Variants in DGKB observed in about 807,000 individuals in gnomAD.
The protein encoded by DGKB is 90 kDa diacylglycerol kinase.
DGKB carries 67 observed loss-of-function variants against 114.3 expected under a neutral mutation model. The ratio of observed to expected loss-of-function variants is 0.59; its 90% CI spans 0.48 to 0.72. The LOEUF is 0.72. Ranked by LOEUF, DGKB falls within the 30% of genes least tolerant of loss-of-function variation. DGKB has a pLI of 0.00. For missense variants in DGKB, 907 were observed against 975.2 expected, an observed-to-expected ratio of 0.93 and a Z score of 0.93; for synonymous variants, 398 against 323.1, an observed-to-expected ratio of 1.23 and a Z score of -2.49.
chr7:14,490,344 T>C (rs572833014), intron 20 of DGKB, among the ~76,000 whole-genome samples: 1 of 152,316 alleles, frequency 6.6e-6, no homozygotes, highest in East Asian at 1.9e-4. Context: ...ATTTTCTTTA[T>C]ACCTGAAAGA....
chr7:14,643,981 G>T (rs1054524004), intron 13 of DGKB, among the ~76,000 whole-genome samples: 1 of 152,126 alleles, frequency 6.6e-6, no homozygotes, highest in Non-Finnish European at 1.5e-5. Flanking sequence ...CAACACCCAT[G>T]CCTACAAATA....
intron 23 of DGKB, among the ~76,000 whole-genome samples, chr7:14,230,852 A>G (rs752357940): frequency 8.6e-5 from 13 of 152,022 alleles, no homozygotes; most frequent in Non-Finnish European, 1.3e-4. Flanking sequence ...AAGTCAAAGT[A>G]CCTCAGGGAA....
intron 20 of DGKB, among the ~76,000 whole-genome samples, chr7:14,493,795 T>A (rs1784912151): frequency 6.6e-6 from 1 of 152,000 alleles, no homozygotes. Context: ...ACTGAAACCG[T>A]GGAAAGCACA....
intron 13 of DGKB, among the ~76,000 whole-genome samples, chr7:14,664,581 A>G (rs1817697384): frequency 6.6e-6 from 1 of 151,984 alleles, no homozygotes. Flanking sequence ...TTGGAGTTTC[A>G]TGATCACACT....
At chr7:14,762,021 C>T (rs1483070269) in intron 2 of DGKB, among the ~76,000 whole-genome samples, 1 of 152,062 alleles carries the variant, frequency 6.6e-6, no homozygotes, top group Non-Finnish European at 1.5e-5. Context: ...GGGCAGGATA[C>T]TTGGAAAACA....
At chr7:14,679,744 A>G (rs912083646) in intron 12 of DGKB, among the ~76,000 whole-genome samples, 10 of 152,060 alleles carry the variant, frequency 6.6e-5, no homozygotes, top group South Asian at 4.1e-4. Context: ...AAAGGCAAGC[A>G]GTAGTAGTAG....
At chr7:14,412,249 A>G (rs564353754) in intron 21 of DGKB, among the ~76,000 whole-genome samples, 2 of 152,342 alleles carry the variant, frequency 1.3e-5, no homozygotes, top group African/African-American at 4.8e-5. Flanking sequence ...GTAAGAGAAG[A>G]CAAACACAAA....
intron 18 of DGKB, 77 bp downstream of exon 18, chr7:14,582,975 G>A: frequency 2.2e-6 from 2 of 919,678 alleles, no homozygotes; most frequent in Non-Finnish European, 1.8e-6. Flanking sequence ...AATGATACAA[G>A]CAATAGACAC....
At chr7:14,705,399 A>T (rs1340104917) in intron 6 of DGKB, among the ~76,000 whole-genome samples, 3 of 150,638 alleles carry the variant, frequency 2.0e-5, no homozygotes, top group Non-Finnish European at 4.4e-5. Context: ...ACTCTGCAGG[A>T]TATTATCCAG....
At chr7:14,969,292 G>C (rs1007575857) in intron 1 of DGKB, among the ~76,000 whole-genome samples, 1 of 152,178 alleles carries the variant, frequency 6.6e-6, no homozygotes, top group Middle Eastern at 3.2e-3. Flanking sequence ...GGTGATTGCA[G>C]ATACCCTCCA....
chr7:14,495,028 GA>G (rs1278788626), intron 20 of DGKB, among the ~76,000 whole-genome samples: 2 of 151,862 alleles, frequency 1.3e-5, no homozygotes, highest in Middle Eastern at 3.4e-3. Flanking sequence ...ATATCCAGCA[GA>G]ATCAAATTAT....
chr7:14,407,855 T>G (rs933717563), intron 21 of DGKB, among the ~76,000 whole-genome samples: 25 of 151,802 alleles, frequency 1.6e-4, no homozygotes, highest in Non-Finnish European at 2.6e-4. Flanking sequence ...ACAAGAGAGA[T>G]AGAATAGACA....
rs1276414366 is a variant in DGKB at position 14,411,645 on chromosome 7, C to CA, written c.1836-66255dup. Among the ~76,000 whole-genome samples the CA allele has an allele frequency of 1.9e-4, 2 of 10,628 alleles. 1 individual carries two copies. Among genetic ancestry groups the CA allele is most frequent in the African/African-American group, 3.9e-4 (2 of 5,120 alleles). 7.0% of individuals were successfully genotyped at this position (10,628 alleles called of 152,430 possible). ...TAATAGGATCATAACAACCATCTTTCAAGGTGGCTGTAAGATAAACAGTAT... is the reference window on the plus strand; with the variant it reads ...TAATAGGATCATAACAACCATCTTTCAAAGGTGGCTGTAAGATAAACAGTAT... On this transcript the variant is annotated intron_variant, in intron 21 of 25. Coordinates refer to ENST00000402815, the MANE Select transcript of DGKB (RefSeq NM_001350709.2).
chr7:14,677,411 G>T (rs1474319371), intron 12 of DGKB, among the ~76,000 whole-genome samples: 1 of 151,836 alleles, frequency 6.6e-6, no homozygotes, highest in African/African-American at 2.4e-5. Context: ...TGCAGTTTGG[G>T]GTACTTCCTA....
intron 1 of DGKB, among the ~76,000 whole-genome samples, chr7:14,890,358 G>C (rs527818372): frequency 5.9e-5 from 9 of 151,552 alleles, no homozygotes; most frequent in African/African-American, 1.9e-4. Flanking sequence ...AAATAGACTA[G>C]TATACTACTA....
chr7:14,772,177 A>G (rs1360652396), intron 2 of DGKB, among the ~76,000 whole-genome samples: 1 of 152,150 alleles, frequency 6.6e-6, no homozygotes, highest in Non-Finnish European at 1.5e-5. Context: ...CCTTAGGCAT[A>G]TGTTCTCAGA....
chr7:14,212,003 TA>T (rs202214332), intron 23 of DGKB, among the ~76,000 whole-genome samples: 9 of 31,168 alleles, frequency 2.9e-4, no homozygotes, highest in African/African-American at 4.0e-4. Flanking sequence ...TGTTTTGTGA[TA>T]TTTACTCTCA....
chr7:14,480,223 C>A (rs1485357526), intron 20 of DGKB, among the ~76,000 whole-genome samples: 1 of 151,928 alleles, frequency 6.6e-6, no homozygotes, highest in Non-Finnish European at 1.5e-5. Flanking sequence ...AAACACAGGA[C>A]TACATAGCCA....
chr7:14,285,846 C>A (rs551723911), intron 23 of DGKB, among the ~76,000 whole-genome samples: 41 of 152,192 alleles, frequency 2.7e-4, no homozygotes, highest in Middle Eastern at 3.4e-3. Flanking sequence ...TCCCTAATGG[C>A]AGTCAGCATT....
Sources: gnomAD v4.1 joint callset for allele counts (sites outside exome capture counted in the v4.1 genomes callset) on GRCh38, gnomAD v4.1.1 for gene constraint, MANE v1.5 for transcripts, NCBI Gene and HGNC (gene_info 2026-07-23, HGNC 2026-07-21) for gene names.